SLC17A7: variants seen among roughly 807,000 people sequenced by gnomAD.
SLC17A7 encodes the protein solute carrier family 17 member 7.
Under a neutral mutation model 59.1 loss-of-function variants are expected in SLC17A7, and 15 were observed. The ratio of observed to expected loss-of-function variants is 0.25; its 90% CI spans 0.17 to 0.39. The LOEUF is 0.39. SLC17A7 is among the 10% of genes least tolerant of loss of function. The probability of loss-of-function intolerance (pLI) is 1.00; values close to 1 mark genes in which losing one functional copy is unlikely to be tolerated. For missense variants in SLC17A7, 499 were observed against 765.1 expected, an observed-to-expected ratio of 0.65 and a Z score of 4.10; for synonymous variants, 353 against 308.9, an observed-to-expected ratio of 1.14 and a Z score of -1.50.
Position 49,430,808 on chromosome 19 carries a change from C to T in SLC17A7, c.1394G>A (p.Arg465Gln). The T allele has an allele frequency of 1.2e-6, 2 of 1,608,160 alleles. No homozygotes were observed. Among genetic ancestry groups the T allele is most frequent in the Non-Finnish European group, 1.7e-6 (2 of 1,176,460 alleles). Reference sequence around the variant, plus strand: ...TAGGAACACGTACTGCCACTCCTCCCGAGTCTGCAGGGGACAATAGGGCTG... The same window carrying T: ...TAGGAACACGTACTGCCACTCCTCCTGAGTCTGCAGGGGACAATAGGGCTG... ...IVGAMTKHKTREEWQYVFLIA... is the reference protein window; with the variant it reads ...IVGAMTKHKTQEEWQYVFLIA... The change falls in exon 12 of 12, where the codon CGG becomes CAG. Residue 465 changes from arginine (R) to glutamine (Q), a missense_variant. Coordinates refer to ENST00000221485, the MANE Select transcript of SLC17A7 (RefSeq NM_020309.4).
Position 49,434,781 on chromosome 19 carries a change from T to A in SLC17A7, c.536A>T (p.Gln179Leu). 6.2e-7 allele frequency: 1 copy of A among 1,614,116 alleles called. No individual in the cohort carries two copies. Among genetic ancestry groups the A allele is most frequent in the Non-Finnish European group, 8.5e-7 (1 of 1,180,002 alleles). The change falls in exon 4 of 12, where the codon CAG becomes CTG. Residue 179 changes from glutamine (Q) to leucine (L), a missense_variant. This residue lies in a region of SLC17A7 where 323 missense variants were observed against 607.2 expected (regional missense o/e 0.53). Coordinates refer to ENST00000221485, the MANE Select transcript of SLC17A7 (RefSeq NM_020309.4). ...GCGGGGATTTACCTCTACCAACCCCTGCAGGATCCTCACGAAGATGACACA... is the reference window on the plus strand; with the variant it reads ...GCGGGGATTTACCTCTACCAACCCCAGCAGGATCCTCACGAAGATGACACA... ...YGCVIFVRIL[Q>L]GLVEGVTYPA...
intron 5 of SLC17A7, 104 bp downstream of exon 5, chr19:49,434,498 C>G: frequency 9.0e-7 from 1 of 1,116,948 alleles, no homozygotes. Flanking sequence ...CTCCCTCAGA[C>G]ACAGGAGTTC....
intron 5 of SLC17A7, among the ~76,000 whole-genome samples, 194 bp downstream of exon 5, chr19:49,434,408 C>T (rs948936043): frequency 6.6e-6 from 1 of 151,798 alleles, no homozygotes; most frequent in Admixed American, 6.6e-5. Context: ...GCCCCCAGCC[C>T]CTCCTCTCTC....
At chr19:49,441,183 C>T (rs2078998389) in intron 1 of SLC17A7, 135 bp downstream of exon 1, 2 of 1,494,088 alleles carry the variant, frequency 1.3e-6, no homozygotes. Context: ...TCGGAGCCCA[C>T]GGCAGAAAAC....
In SLC17A7 at chr19:49,436,507, T is replaced by C. The variant is rs202175780; in HGVS notation, c.315+42A>G. 7 of 1,594,372 alleles carry C rather than the reference T, an allele frequency of 4.4e-6. No individual in the cohort carries two copies. The East Asian group carries it at 1.1e-4, about 26-fold the overall frequency. On this transcript the variant is annotated intron_variant, in intron 2 of 11. Transcript: ENST00000221485. This position sits in a 1 kb window ranked among gnomAD's most constrained non-coding sequence, Gnocchi z 4.1. ...TCATGGGGGCGTAGGCGGAGCTCGG[T>C]GAGCGGGGCGGGGCTCTGCAAGGGC...
intron 2 of SLC17A7, 79 bp from the exon 3 acceptor site, chr19:49,435,365 C>T: frequency 2.0e-6 from 2 of 981,186 alleles, no homozygotes; most frequent in East Asian, 2.4e-5. Flanking sequence ...ACAGACTTAG[C>T]GTCTCGACCT....
rs1218217332 is a variant in SLC17A7, at chr19:49,430,218, G to A, written c.*301C>T. On this transcript the variant is annotated 3_prime_UTR_variant, in exon 12 of 12. Transcript: ENST00000221485. ...CTCAAAACCACAAGAGAGAGTAAGA[G>A]GTCGAACTGTCCATTCAAATAAAGC... 2 of 250,480 alleles carry A rather than the reference G, an allele frequency of 8.0e-6. No individual in the cohort carries two copies. The highest frequency in any genetic ancestry group is 2.3e-5 in the African/African-American group (1 of 44,370). The allele number at this position is 250,480 out of a possible 1,614,324, so 15.5% of individuals were successfully genotyped here. A position where few individuals can be genotyped will look rare whatever the true frequency, so the allele number is the denominator to read the frequency against.
intron 5 of SLC17A7, 48 bp from the exon 6 acceptor site, chr19:49,434,094 T>C (rs1184810360): frequency 7.9e-7 from 1 of 1,273,692 alleles, no homozygotes; most frequent in Admixed American, 1.7e-5. Flanking sequence ...TTCCCTCAGA[T>C]CAAGGAGTGC....
rs1370307200 is a variant in SLC17A7 at position 49,429,815 on chromosome 19, C to G, written c.*704G>C. ...CCTGAAAACCATGTCAGAAAAAGTG[C>G]ACGGGGGTAGAGAGGCATATTGTTA... On this transcript the variant is annotated 3_prime_UTR_variant, in exon 12 of 12. Transcript: ENST00000221485. The G allele has an allele frequency of 2.6e-6, 1 of 377,738 alleles. No individual in the cohort carries two copies. Among genetic ancestry groups the G allele is most frequent in the African/African-American group, 2.1e-5 (1 of 48,208 alleles). 23.4% of individuals were successfully genotyped at this position (377,738 alleles called of 1,614,324 possible).
rs1362592379 is a variant in SLC17A7 at position 49,433,016 on chromosome 19, G to C, written c.868-56C>G. ...GGGGAGCGGGGCTGAGGGCTTCTCC[G>C]CGTCCCTTCAGGGACCACAGTGTAG... On this transcript the variant is annotated intron_variant, in intron 7 of 11. Coordinates refer to ENST00000221485, the MANE Select transcript of SLC17A7 (RefSeq NM_020309.4). This position sits in a 1 kb window ranked among gnomAD's most constrained non-coding sequence, Gnocchi z 5.7. The C allele has an allele frequency of 6.5e-7, 1 of 1,537,290 alleles. No individual in the cohort carries two copies. The highest frequency in any genetic ancestry group is 8.9e-7 in the Non-Finnish European group (1 of 1,128,764).
At chr19:49,435,106 C>T (rs1174440490) in intron 3 of SLC17A7, 62 bp downstream of exon 3, 4 of 1,299,492 alleles carry the variant, frequency 3.1e-6, no homozygotes, top group African/African-American at 2.9e-5. Flanking sequence ...TTCAAGACCA[C>T]GCCCTCTAAC....
chr19:49,441,485 G>GGCCGGCCCC lies in SLC17A7; in HGVS notation c.-115_-107dup, dbSNP rs2078999948. The GGCCGGCCCC allele has an allele frequency of 1.0e-5, 11 of 1,091,318 alleles. No homozygotes were observed. The South Asian group carries it at 4.2e-4, about 42-fold the overall frequency. 67.6% of individuals were successfully genotyped at this position (1,091,318 alleles called of 1,614,324 possible). On this transcript the variant is annotated 5_prime_UTR_variant, in exon 1 of 12. Coordinates refer to ENST00000221485, the MANE Select transcript of SLC17A7 (RefSeq NM_020309.4). ...GGTTCCCGGGGTCCAGCCCCGGCCC[G>GGCCGGCCCC]GCCGGCCCCGCAGCTCCGCTCGGGG...
chr19:49,436,584 T>C lies in SLC17A7; in HGVS notation c.280A>G (p.Ser94Gly). 1 of 1,613,846 alleles carries C rather than the reference T, an allele frequency of 6.2e-7. No homozygotes were observed. Among genetic ancestry groups the C allele is most frequent in the Non-Finnish European group, 8.5e-7 (1 of 1,179,952 alleles). ...ACGTGGCCCCCGCGGTGGGTCGTGC[T>C]GTTATTGACCATGGAGACGATGGCC... ...GVAIVSMVNN[S>G]TTHRGGHVVV... is the part of the protein sequence containing the mutation. Residue 94 changes from serine to glycine, a missense_variant, in exon 2 of 12, where the codon AGC (serine) becomes GGC (glycine). This residue lies in a region of SLC17A7 where 323 missense variants were observed against 607.2 expected (regional missense o/e 0.53). Coordinates refer to ENST00000221485, the MANE Select transcript of SLC17A7 (RefSeq NM_020309.4). The surrounding 1 kb of genome is among the most constrained non-coding windows in gnomAD (Gnocchi z 4.1).
In SLC17A7 at chr19:49,434,065, G is replaced by T. The variant is rs1374587031; in HGVS notation, c.638-19C>A. On this transcript the variant is annotated intron_variant, in intron 5 of 11. Coordinates refer to ENST00000221485, the MANE Select transcript of SLC17A7 (RefSeq NM_020309.4). ...TAGGAACCTAAGGGGGAGGATGCGG[G>T]GGAGAGAACAGGCCCATCTTCCCTC... The T allele has an allele frequency of 6.4e-7, 1 of 1,552,890 alleles. No individual in the cohort carries two copies. Among genetic ancestry groups the T allele is most frequent in the Non-Finnish European group, 8.9e-7 (1 of 1,124,976 alleles).
intron 1 of SLC17A7, among the ~76,000 whole-genome samples, chr19:49,439,849 A>G (rs1005653688): frequency 2.0e-5 from 3 of 152,126 alleles, no homozygotes; most frequent in Admixed American, 1.3e-4. Flanking sequence ...CAGATGAGAA[A>G]CAGAGGCAGA....
rs748726110 is a variant in SLC17A7 at position 49,430,606 on chromosome 19, C to G, written c.1596G>C (p.Gly532=). ...AGGAGGGCGGGGGTGCAGGGGGTGC[C>G]CCCGGGGGCTCAGCCTCATCCTCCA... ...SEMEDEAEPP[G]APPAPPPSYG... The change falls in exon 12 of 12, where the codon GGG becomes GGC. Residue 532 remains glycine, a synonymous_variant. Transcript: ENST00000221485. 2.1e-5 allele frequency: 34 copies of G among 1,613,702 alleles called. No individual in the cohort carries two copies. Among genetic ancestry groups the G allele is most frequent in the Non-Finnish European group, 2.7e-5 (32 of 1,179,838 alleles).
rs2078982081 is a variant in SLC17A7, at chr19:49,436,909, G to A, written c.63-108C>T. On this transcript the variant is annotated intron_variant, in intron 1 of 11. Transcript: ENST00000221485. This position sits in a 1 kb window ranked among gnomAD's most constrained non-coding sequence, Gnocchi z 4.1. Reference sequence around the variant, plus strand: ...TGCTTTTCAACATCCAGAATTCTAAGCCCGCACCTCCTCCTTCACCAAGAG... The same window carrying A: ...TGCTTTTCAACATCCAGAATTCTAAACCCGCACCTCCTCCTTCACCAAGAG... 7.1e-7 allele frequency: 1 copy of A among 1,417,322 alleles called. No homozygotes were observed. Among genetic ancestry groups the A allele is most frequent in the African/African-American group, 1.6e-5 (1 of 62,014 alleles). 87.8% of individuals were successfully genotyped at this position (1,417,322 alleles called of 1,614,324 possible).
In SLC17A7 at chr19:49,432,917, A is replaced by G. The variant is rs978423475; in HGVS notation, c.911T>C (p.Val304Ala). ...GAAGTTGGCCACGATGATGGCATAG[A>G]CTGGCATAGACGTGAAGAAGCGCCG... The part of the protein sequence containing the change: ...PWRRFFTSMP[V>A]YAIIVANFCR... Residue 304 changes from valine (V) to alanine (A), a missense_variant, in exon 8 of 12, where the codon GTC becomes GCC. By Grantham distance (64) the Val-to-Ala change is moderately conservative. This residue lies in a region of SLC17A7 where 323 missense variants were observed against 607.2 expected (regional missense o/e 0.53). Transcript: ENST00000221485. 6.2e-7 allele frequency: 1 copy of G among 1,606,192 alleles called. No homozygotes were observed. Among genetic ancestry groups the G allele is most frequent in the African/African-American group, 1.3e-5 (1 of 74,820 alleles).
intron 1 of SLC17A7, among the ~76,000 whole-genome samples, chr19:49,440,109 C>A (rs537238578): frequency 6.6e-6 from 1 of 152,218 alleles, no homozygotes; most frequent in Non-Finnish European, 1.5e-5. Flanking sequence ...CACCTCCCCC[C>A]ACTTCTGTCC....
Sources: allele counts gnomAD v4.1 joint callset (sites outside exome capture counted in the v4.1 genomes callset), GRCh38; gene constraint gnomAD v4.1.1; regional missense constraint gnomAD v4.1.1; non-coding constraint Gnocchi (gnomAD v3.1); transcripts MANE v1.5; gene names NCBI Gene and HGNC (gene_info 2026-07-23, HGNC 2026-07-21).